The following RAB1B variants were observed in gnomAD, a reference collection of about 807,000 sequenced individuals.
RAB1B encodes ras-related protein Rab-1B.
RAB1B carries 10 observed loss-of-function variants against 24.8 expected under a neutral mutation model. That is an observed-to-expected ratio of 0.40 (90% CI 0.25 to 0.68). The LOEUF (loss-of-function observed/expected upper bound fraction) is 0.68. RAB1B is among the 30% of genes least tolerant of loss of function. The probability of loss-of-function intolerance (pLI) is 0.37; values close to 1 mark genes in which losing one functional copy is unlikely to be tolerated. For synonymous variants in RAB1B, 99 were observed against 111.7 expected (o/e 0.89, Z 0.72); for missense variants, 154 against 271.2 (o/e 0.57, Z 3.04).
intron 4 of RAB1B, among the ~76,000 whole-genome samples, chr11:66,273,067 A>G (rs1857087055): frequency 6.6e-6 from 1 of 152,210 alleles, no homozygotes; most frequent in Admixed American, 6.5e-5. Context: ...CTGTGTTCCC[A>G]TCGCACAGGT....
rs1857163948 is a variant in RAB1B, at chr11:66,277,118, C to G, written c.*880C>G. 1.3e-5 allele frequency: 2 copies of G among 152,890 alleles called. No individual in the cohort carries two copies. The highest frequency in any genetic ancestry group is 4.8e-5 in the African/African-American group (2 of 41,464). The allele number at this position is 152,890 out of a possible 1,614,324, so 9.5% of individuals were successfully genotyped here. On this transcript the variant is annotated 3_prime_UTR_variant, in exon 6 of 6. Transcript: ENST00000311481. ...GGAGCCCACCAGGGAAGGCCCTCAT[C>G]CCCTGCCGCTACTTCTCTGGGGAAT...
chr11:66,276,070 C>T lies in RAB1B; in HGVS notation c.438C>T (p.Pro146=). The T allele has an allele frequency of 6.2e-7, 1 of 1,613,716 alleles. No homozygotes were observed. The highest frequency in any genetic ancestry group is 2.2e-5 in the East Asian group (1 of 44,872). ...AGTTTGCAGACTCTCTGGGCATCCCCTTCTTGGAGACGAGCGCCAAGAATG... is the reference window on the plus strand; with the variant it reads ...AGTTTGCAGACTCTCTGGGCATCCCTTTCTTGGAGACGAGCGCCAAGAATG... ...AKEFADSLGI[P]FLETSAKNAT... The change falls in exon 6 of 6, where the codon CCC becomes CCT. Residue 146 remains proline (P), a synonymous_variant. Transcript: ENST00000311481.
intron 4 of RAB1B, among the ~76,000 whole-genome samples, chr11:66,274,778 T>TC (rs1222650096): frequency 1.7e-5 from 2 of 117,152 alleles, no homozygotes; most frequent in East Asian, 6.0e-4. Context: ...CCCCTCCCTG[T>TC]CCCCCCTCCC....
Position 66,272,177 on chromosome 11 carries a change from C to T in RAB1B, c.108C>T (p.Ser36=), listed in dbSNP as rs774008831. The change falls in exon 3 of 6, where the codon AGC becomes AGT. Residue 36 remains serine, a synonymous_variant. Transcript: ENST00000311481. ...LRFADDTYTE[S]YISTIGVDFK... ...TTCAGGATGACACGTACACAGAGAG[C>T]TACATCAGCACCATCGGGGTGGACT... 14 of 1,613,062 alleles carry T rather than the reference C, an allele frequency of 8.7e-6. No homozygotes were observed. The South Asian group carries it at 1.3e-4, about 15-fold the overall frequency.
intron 4 of RAB1B, 100 bp from the exon 5 acceptor site, chr11:66,275,704 G>A: frequency 1.5e-6 from 2 of 1,328,314 alleles, no homozygotes; most frequent in South Asian, 2.9e-5. Context: ...GACTTAAGGG[G>A]CCCGGAGCTG....
rs571905895 is a variant in RAB1B at position 66,275,966 on chromosome 11, G to T, written c.411+31G>T. On this transcript the variant is annotated intron_variant, in intron 5 of 5. Coordinates refer to ENST00000311481, the MANE Select transcript of RAB1B (RefSeq NM_030981.3). ...AGACGGGCCGGTCTGCCCGGGGTCG[G>T]GGCGCTGGGGCCTGCTGCCCCTCAC... The T allele has an allele frequency of 8.7e-6, 14 of 1,608,676 alleles. No homozygotes were observed. The African/African-American group carries it at 1.5e-4, about 17-fold the overall frequency.
chr11:66,268,761 G>T, intron 1 of RAB1B, 68 bp downstream of exon 1: 2 of 1,485,832 alleles, frequency 1.3e-6, no homozygotes, highest in African/African-American at 2.9e-5. Context: ...ACGCTTACCG[G>T]GGTTGTCTGG....
At position 66,276,818 on chromosome 11, in the gene RAB1B, G is replaced by C. The variant is rs1181562864; in HGVS notation, c.*580G>C. The stretch of plus-strand genomic sequence containing the variant: ...CTACACTCCCAGCTCGAGCCGTCCA[G>C]CTGCGGTGGGATCTGAGTATATCTA... On this transcript the variant is annotated 3_prime_UTR_variant, in exon 6 of 6. Transcript: ENST00000311481. The C allele has an allele frequency of 2.0e-5, 3 of 149,482 alleles. No individual in the cohort carries two copies. Among genetic ancestry groups the C allele is most frequent in the Non-Finnish European group, 4.4e-5 (3 of 67,698 alleles). The allele number at this position is 149,482 out of a possible 1,614,324, so 9.3% of individuals were successfully genotyped here.
intron 4 of RAB1B, among the ~76,000 whole-genome samples, chr11:66,273,572 C>A (rs865931449): frequency 2.0e-5 from 3 of 152,338 alleles, no homozygotes; most frequent in Middle Eastern, 3.4e-3. Context: ...GGTGCTTCCC[C>A]ACTGCCCTGG....
At chr11:66,275,552 C>T (rs1454521363) in intron 4 of RAB1B, among the ~76,000 whole-genome samples, 1 of 152,092 alleles carries the variant, frequency 6.6e-6, no homozygotes, top group African/African-American at 2.4e-5. Context: ...AGCTGGCAGG[C>T]CCAAGTTGGG....
chr11:66,271,677 A>G (rs1857060284), intron 1 of RAB1B, 120 bp from the exon 2 acceptor site: 2 of 708,720 alleles, frequency 2.8e-6, no homozygotes, highest in Non-Finnish European at 4.9e-6. Flanking sequence ...TTGCTAAAAA[A>G]AAAATAAAAA....
rs763308625 is a variant in RAB1B at position 66,268,664 on chromosome 11, G to GGCCGCC, written c.-6_-1dup. On this transcript the variant is annotated 5_prime_UTR_variant, in exon 1 of 6. Transcript: ENST00000311481. ...AGAGTCGACTGGGAGCGACCGAGCG[G>GGCCGCC]GCCGCCGCCGCCGCCATGAACCCCG... The GGCCGCC allele has an allele frequency of 7.0e-6, 11 of 1,562,960 alleles. No individual in the cohort carries two copies. The highest frequency in any genetic ancestry group is 2.0e-5 in the Admixed American group (1 of 50,828).
Position 66,268,823 on chromosome 11 carries a change from C to CCA in RAB1B, c.14+131_14+132insAC, listed in dbSNP as rs1040277073. On this transcript the variant is annotated intron_variant, in intron 1 of 5. Coordinates refer to ENST00000311481, the MANE Select transcript of RAB1B (RefSeq NM_030981.3). ...CACATCCGGGTCCCTCTTCCGCTGA[C>CCA]CCCCCCCCACATCCGGGTTCTGCCC... 96 of 773,496 alleles carry CCA rather than the reference C, an allele frequency of 1.2e-4. 2 individuals are homozygous for CCA. In the Admixed American group the frequency reaches 4.8e-3, roughly 39 times the overall value. 47.9% of individuals were successfully genotyped at this position (773,496 alleles called of 1,614,324 possible). A position where few individuals can be genotyped will look rare whatever the true frequency, so the allele number is the denominator to read the frequency against.
chr11:66,269,631 G>A (rs898819843), intron 1 of RAB1B, among the ~76,000 whole-genome samples: 3 of 152,230 alleles, frequency 2.0e-5, no homozygotes, highest in African/African-American at 7.2e-5. Context: ...AAGGGAACCA[G>A]CAGGCTCTCG....
Position 66,268,685 on chromosome 11 carries a change from C to T in RAB1B, c.6C>T (p.Asn2=). Residue 2 remains asparagine, a synonymous_variant, in exon 1 of 6, where the codon AAC becomes AAT. Coordinates refer to ENST00000311481, the MANE Select transcript of RAB1B (RefSeq NM_030981.3). M[N]PEYDYLFKLL... is the part of the protein sequence containing the mutation. The stretch of plus-strand genomic sequence containing the variant: ...AGCGGGCCGCCGCCGCCGCCATGAA[C>T]CCCGAATAGTGAGTGAGCCCCGCCC... 1 of 1,571,158 alleles carries T rather than the reference C, an allele frequency of 6.4e-7. No homozygotes were observed. Among genetic ancestry groups the T allele is most frequent in the Non-Finnish European group, 8.6e-7 (1 of 1,160,862 alleles).
intron 4 of RAB1B, among the ~76,000 whole-genome samples, chr11:66,272,950 A>T (rs1459030336): frequency 6.6e-6 from 1 of 152,228 alleles, no homozygotes; most frequent in Non-Finnish European, 1.5e-5. Context: ...CGTTAGTCCC[A>T]TGTGACTAGC....
At chr11:66,273,812 G>A (rs1478314444) in intron 4 of RAB1B, among the ~76,000 whole-genome samples, 1 of 152,140 alleles carries the variant, frequency 6.6e-6, no homozygotes, top group African/African-American at 2.4e-5. Flanking sequence ...GAGGTGTTAA[G>A]TAACTTGCCA....
Position 66,275,790 on chromosome 11 carries a change from C to A in RAB1B, c.280-14C>A. ...GTTGGGAGCAAAATAACTTTGGCCC[C>A]TGGCCCCCTTTAGGAATCCTACGCC... On this transcript the variant is annotated splice_polypyrimidine_tract_variant and intron_variant, in intron 4 of 5. Coordinates refer to ENST00000311481, the MANE Select transcript of RAB1B (RefSeq NM_030981.3). 1 of 1,565,392 alleles carries A rather than the reference C, an allele frequency of 6.4e-7. No homozygotes were observed. The highest frequency in any genetic ancestry group is 8.7e-7 in the Non-Finnish European group (1 of 1,154,740).
At chr11:66,274,766 TCCCCCTCCCTGTC>T (rs1298429697) in intron 4 of RAB1B, among the ~76,000 whole-genome samples, 1 of 100,960 alleles carries the variant, frequency 9.9e-6, no homozygotes, top group Non-Finnish European at 1.9e-5. Context: ...ACTCCCCCAT[TCCCCCTCCCTGTC>T]CCCCCTCCCT....
Sources: gnomAD v4.1 joint callset for allele counts (sites outside exome capture counted in the v4.1 genomes callset) on GRCh38, gnomAD v4.1.1 for gene constraint, MANE v1.5 for transcripts, NCBI Gene and HGNC (gene_info 2026-07-23, HGNC 2026-07-21) for gene names.